The following KIFC2 variants were observed in gnomAD, a reference collection of about 807,000 sequenced individuals.
The protein encoded by KIFC2 is kinesin-like protein KIFC2.
KIFC2 carries 94 observed loss-of-function variants against 91.5 expected under a neutral mutation model. The ratio of observed to expected loss-of-function variants is 1.03; its 90% CI spans 0.87 to 1.22. The LOEUF is 1.22. Ranked by LOEUF, KIFC2 falls within the 50% of genes most tolerant of loss-of-function variation. The probability of loss-of-function intolerance (pLI) is 0.00; values close to 1 mark genes in which losing one functional copy is unlikely to be tolerated. For synonymous variants in KIFC2, 729 were observed against 503.9 expected (o/e 1.45, Z -5.98); for missense variants, 1,357 against 1,103.3 (o/e 1.23, Z -3.26).
chr8:144,472,976 CT>C lies in KIFC2; in HGVS notation c.2045del (p.Phe682SerfsTer131). ...ALRAHRPHVPFRDSQLTRLLQ... is the reference protein window; with the variant it reads ...ALRAHRPHVPXRDSQLTRLLQ... Reference sequence around the variant, plus strand: ...TGCGGGCCCACCGGCCGCACGTGCCCTTCCGCGACTCGCAGCTCACGCGACT... The same window carrying C: ...TGCGGGCCCACCGGCCGCACGTGCCCTCCGCGACTCGCAGCTCACGCGACT... On this transcript the variant is annotated frameshift_variant, in exon 17 of 18. Transcript: ENST00000645548. LOFTEE classifies it high-confidence loss of function. 2 of 1,456,798 alleles carry C rather than the reference CT, an allele frequency of 1.4e-6. No individual in the cohort carries two copies. The highest frequency in any genetic ancestry group is 2.7e-5 in the Admixed American group (1 of 37,704). The allele number at this position is 1,456,798 out of a possible 1,614,324, so 90.2% of individuals were successfully genotyped here.
At position 144,467,882 on chromosome 8, in the gene KIFC2, G is replaced by C. The variant is rs137874445; in HGVS notation, c.705G>C (p.Arg235Ser). 2.5e-6 allele frequency: 4 copies of C among 1,613,504 alleles called. No homozygotes were observed. The highest frequency in any genetic ancestry group is 3.3e-5 in the Admixed American group (2 of 59,986). The change falls in exon 7 of 18, where the codon AGG (arginine) becomes AGC (serine). Residue 235 changes from arginine (R) to serine (S), a missense_variant. Coordinates refer to ENST00000645548, the MANE Select transcript of KIFC2 (RefSeq NM_001369769.2). ...LGVGATDSEK[R>S]VQHLTLENEA... Reference sequence around the variant, plus strand: ...AGGGGGCGACGGACTCAGAGAAAAGGGTTCAGCATCTGACTCTGGAGAACG... The same window carrying C: ...AGGGGGCGACGGACTCAGAGAAAAGCGTTCAGCATCTGACTCTGGAGAACG...
rs764634020 is a variant in KIFC2, at chr8:144,467,154, G to A, written c.330+44G>A. The A allele has an allele frequency of 5.6e-6, 9 of 1,612,402 alleles. 1 individual carries two copies. Among genetic ancestry groups the A allele is most frequent in the Non-Finnish European group, 7.6e-6 (9 of 1,179,772 alleles). On this transcript the variant is annotated intron_variant, in intron 3 of 17. Coordinates refer to ENST00000645548, the MANE Select transcript of KIFC2 (RefSeq NM_001369769.2). The stretch of plus-strand genomic sequence containing the variant: ...GCTGCTGGCAGGTACCACCTGCCCC[G>A]GCCTTCCTGGCTTTCACAGCCCTGC...
rs1384786311 is a variant in KIFC2, at chr8:144,467,018, T to G, written c.238T>G (p.Ser80Ala). ...GAAEGRAAAV[S>A]LEEALLRLAE... The stretch of plus-strand genomic sequence containing the variant: ...AGCCGAGGGCCGCGCGGCCGCGGTG[T>G]CCCTGGAAGAGGCCCTACTGCGCCT... The change falls in exon 3 of 18, where the codon TCC becomes GCC. Residue 80 changes from serine to alanine, a missense_variant. By Grantham distance (99) the Ser-to-Ala change is moderately conservative. Transcript: ENST00000645548. The G allele has an allele frequency of 1.3e-6, 2 of 1,596,764 alleles. No individual in the cohort carries two copies. Among genetic ancestry groups the G allele is most frequent in the Admixed American group, 1.7e-5 (1 of 58,504 alleles).
In KIFC2 at chr8:144,473,522, C is replaced by T; in HGVS notation, c.*133C>T. 2.2e-6 allele frequency: 3 copies of T among 1,339,764 alleles called. No homozygotes were observed. The highest frequency in any genetic ancestry group is 2.3e-4 in the Middle Eastern group (1 of 4,400). 83.0% of individuals were successfully genotyped at this position (1,339,764 alleles called of 1,614,324 possible). On this transcript the variant is annotated 3_prime_UTR_variant, in exon 18 of 18. Transcript: ENST00000645548. ...TTTGGATCCATTGCCCCTGAGCTCCCAGAGTCACCCCTCCACCTCCGCAGC... is the reference window on the plus strand; with the variant it reads ...TTTGGATCCATTGCCCCTGAGCTCCTAGAGTCACCCCTCCACCTCCGCAGC...
intron 4 of KIFC2, 24 bp from the exon 5 acceptor site, chr8:144,467,461 C>A: frequency 6.5e-7 from 1 of 1,548,190 alleles, no homozygotes. Context: ...CTCTTCAGTG[C>A]TAACTGGGCC....
chr8:144,471,843 C>A, intron 12 of KIFC2, 99 bp from the exon 13 acceptor site: 1 of 1,021,626 alleles, frequency 9.8e-7, no homozygotes, highest in Non-Finnish European at 1.5e-6. Context: ...AGACTAGGCT[C>A]TGCTCACACC....
rs777917174 is a variant in KIFC2, at chr8:144,469,324, T to C, written c.1167T>C (p.Pro389=). 1.9e-5 allele frequency: 31 copies of C among 1,607,364 alleles called. No homozygotes were observed. Among genetic ancestry groups the C allele is most frequent in the Non-Finnish European group, 2.5e-5 (29 of 1,178,256 alleles). ...CTGGAGGGCCTGGCACTCAGCTCCCTGAGGGGCAGCAAGGGCCCCCAGCCG... is the reference window on the plus strand; with the variant it reads ...CTGGAGGGCCTGGCACTCAGCTCCCCGAGGGGCAGCAAGGGCCCCCAGCCG... ...LSSGGPGTQL[P]EGQQGPPAGC... The change falls in exon 11 of 18, where the codon CCT becomes CCC. Residue 389 remains proline (P), a synonymous_variant. Coordinates refer to ENST00000645548, the MANE Select transcript of KIFC2 (RefSeq NM_001369769.2).
intron 11 of KIFC2, 38 bp from the exon 12 acceptor site, chr8:144,469,452 G>T: frequency 6.2e-7 from 1 of 1,613,658 alleles, no homozygotes; most frequent in Non-Finnish European, 8.5e-7. Context: ...GTGCTTTAGG[G>T]TCTGCGAGGC....
At chr8:144,466,642 T>C (rs917437224) in intron 1 of KIFC2, 118 bp from the exon 2 acceptor site, 164 of 973,096 alleles carry the variant, frequency 1.7e-4, no homozygotes, top group Non-Finnish European at 2.2e-4. Flanking sequence ...GACCCTCGGC[T>C]CGGCCCCGAT....
chr8:144,467,177 T>C (rs370533406), intron 3 of KIFC2, 26 bp from the exon 4 acceptor site: 5 of 1,613,338 alleles, frequency 3.1e-6, no homozygotes, highest in Non-Finnish European at 4.2e-6. Context: ...TTCACAGCCC[T>C]GCTCGGATTC....
chr8:144,471,056 T>C (rs1323453315), intron 12 of KIFC2, among the ~76,000 whole-genome samples: 10 of 151,248 alleles, frequency 6.6e-5, no homozygotes, highest in Admixed American at 5.9e-4. Flanking sequence ...CTCCGCCTCC[T>C]GGGTTCAAGC....
At position 144,467,097 on chromosome 8, in the gene KIFC2, C is replaced by T. The variant is rs1177631341; in HGVS notation, c.317C>T (p.Ala106Val). 8.1e-6 allele frequency: 13 copies of T among 1,598,404 alleles called. No homozygotes were observed. The highest frequency in any genetic ancestry group is 1.1e-5 in the Non-Finnish European group (13 of 1,172,678). The change falls in exon 3 of 18, where the codon GCG becomes GTG. Residue 106 changes from alanine to valine, a missense_variant. Physicochemically the swap from Ala to Val is moderately conservative, Grantham distance 64. Transcript: ENST00000645548. ...LGAEESCGGP[A>V]DLGQSGEVPS... ...GCGGAAGAGAGCTGCGGGGGCCCGG[C>T]GGACCTGGGCCAGGTGAGCGCGGCG...
At position 144,473,331 on chromosome 8, in the gene KIFC2, C is replaced by A. The variant is rs1291163147; in HGVS notation, c.2318C>A (p.Pro773His). The A allele has an allele frequency of 3.1e-6, 5 of 1,599,752 alleles. No homozygotes were observed. In the South Asian group the frequency reaches 3.4e-5, roughly 11 times the overall value. ...CCGTCCCCTGGCAGTCCTCCATGCC[C>A]CAGTCCCGACAACGGCTCGGGCTCG... ...PTPSPGSPPC[P>H]SPDNGSGSAL... The change falls in exon 18 of 18, where the codon CCC becomes CAC. Residue 773 changes from proline to histidine, a missense_variant. Transcript: ENST00000645548.
At chr8:144,466,185 T>G, upstream of KIFC2, 1 of 170,568 alleles carries the variant, frequency 5.9e-6, no homozygotes. Context: ...GTGTCCGCGG[T>G]GTAGGGGTTG....
rs961857597 is a variant in KIFC2 at position 144,466,842 on chromosome 8, G to A, written c.178+4G>A. On this transcript the variant is annotated splice_donor_region_variant and intron_variant, in intron 2 of 17. Transcript: ENST00000645548. ...ACCGAGCTGACCGGCCTGGCCGGTA[G>A]GTGCGGGCTGGGAGTCCCGCGGTGC... The A allele has an allele frequency of 1.2e-5, 19 of 1,536,662 alleles. No homozygotes were observed. The Admixed American group carries it at 3.3e-4, about 27-fold the overall frequency.
In KIFC2 at chr8:144,467,502, G is replaced by A. The variant is rs757674534; in HGVS notation, c.487G>A (p.Glu163Lys). The A allele has an allele frequency of 1.2e-5, 19 of 1,578,788 alleles. No individual in the cohort carries two copies. The South Asian group carries it at 1.5e-4, about 13-fold the overall frequency. Residue 163 changes from glutamate (E) to lysine (K), a missense_variant, in exon 5 of 18, where the codon GAA becomes AAA. By Grantham distance (56) the Glu-to-Lys change is moderately conservative. Coordinates refer to ENST00000645548, the MANE Select transcript of KIFC2 (RefSeq NM_001369769.2). ...TACTCCAGGATCCACATCCCAAGAA[G>A]AAAGCCCTTCCCACTTCACCGCAGT... Reference protein sequence around the residue: ...PSPDGSTSQEESPSHFTAVPG... With the variant: ...PSPDGSTSQEKSPSHFTAVPG...
rs1444215989 is a variant in KIFC2 at position 144,473,584 on chromosome 8, C to T, written c.*195C>T. ...GTTGTGCCTGCTGAAGTGATCACCC[C>T]CCGCCCCCAGCCCTGCATCAGGCCA... On this transcript the variant is annotated 3_prime_UTR_variant, in exon 18 of 18. Transcript: ENST00000645548. 6 of 792,938 alleles carry T rather than the reference C, an allele frequency of 7.6e-6. No homozygotes were observed. Among genetic ancestry groups the T allele is most frequent in the Non-Finnish European group, 9.3e-6 (5 of 538,056 alleles). 49.1% of individuals were successfully genotyped at this position (792,938 alleles called of 1,614,324 possible). A position where few individuals can be genotyped will look rare whatever the true frequency, so the allele number is the denominator to read the frequency against.
At chr8:144,466,862 CGG>C in intron 2 of KIFC2, 24 bp downstream of exon 2, 1 of 1,536,586 alleles carries the variant, frequency 6.5e-7, no homozygotes, top group South Asian at 1.2e-5. Context: ...GGGAGTCCCG[CGG>C]TGCGAGGGCG....
Position 144,467,215 on chromosome 8 carries a change from C to T in KIFC2, c.343C>T (p.Pro115Ser), listed in dbSNP as rs781099285. ...PADLGQSGEV[P>S]SLLTVTSQLL... ...GTCTCCTTCGCAGTCTGGCGAGGTC[C>T]CCTCACTGTTGACAGTGACCAGTCA... Residue 115 changes from proline (P) to serine (S), a missense_variant, in exon 4 of 18, where the codon CCC (proline) becomes TCC (serine). Transcript: ENST00000645548. The T allele has an allele frequency of 8.7e-6, 14 of 1,613,540 alleles. No homozygotes were observed. Among genetic ancestry groups the T allele is most frequent in the South Asian group, 2.2e-5 (2 of 91,094 alleles).
Sources: gnomAD v4.1 joint callset for allele counts (sites outside exome capture counted in the v4.1 genomes callset) on GRCh38, gnomAD v4.1.1 for gene constraint, MANE v1.5 for transcripts, NCBI Gene and HGNC (gene_info 2026-07-23, HGNC 2026-07-21) for gene names.